The following NNT variants were observed in gnomAD, a reference collection of about 807,000 sequenced individuals.
NNT encodes the protein NAD(P) transhydrogenase, mitochondrial.
In NNT, 50 loss-of-function variants were observed where a neutral mutation model predicts 104.8. The ratio of observed to expected loss-of-function variants is 0.48; its 90% CI spans 0.38 to 0.60. The LOEUF is 0.60. NNT is among the 20% of genes least tolerant of loss of function. NNT has a pLI of 0.00. For missense variants in NNT, 1,131 were observed against 1,330.7 expected, an observed-to-expected ratio of 0.85 and a Z score of 2.33; for synonymous variants, 461 against 490.4, an observed-to-expected ratio of 0.94 and a Z score of 0.79.
rs373124357 is a variant in NNT, at chr5:43,628,211, T to C, written c.788T>C (p.Leu263Ser). ...VRGFDTRAAA[L>S]EQFKSLGAEP... ...AACAATCACCCTAGAGCTGCAGCTT[T>C]GGAACAGTTCAAGTCTCTTGGTGCT... is the stretch of plus-strand genomic sequence containing the variant. The change falls in exon 7 of 22, where the codon TTG becomes TCG. Residue 263 changes from leucine (L) to serine (S), a missense_variant. Coordinates refer to ENST00000344920, the MANE Select transcript of NNT (RefSeq NM_182977.3). The C allele has an allele frequency of 6.2e-7, 1 of 1,610,418 alleles. No individual in the cohort carries two copies. Among genetic ancestry groups the C allele is most frequent in the Admixed American group, 1.7e-5 (1 of 59,294 alleles).
intron 19 of NNT, among the ~76,000 whole-genome samples, chr5:43,688,432 A>G (rs532416921): frequency 3.8e-4 from 58 of 152,262 alleles, no homozygotes; most frequent in Admixed American, 1.1e-3. Flanking sequence ...TTCAATTTCA[A>G]TAGGTTTTTG....
intron 10 of NNT, among the ~76,000 whole-genome samples, chr5:43,646,867 T>C (rs1739474923): frequency 6.6e-6 from 1 of 152,202 alleles, no homozygotes; most frequent in Non-Finnish European, 1.5e-5. Context: ...TAACATAAAT[T>C]CTTTTTTTAA....
chr5:43,694,028 C>A (rs1742427575), intron 19 of NNT, among the ~76,000 whole-genome samples: 1 of 152,088 alleles, frequency 6.6e-6, no homozygotes, highest in East Asian at 1.9e-4. Context: ...CTTATAAAAC[C>A]CATGGAATTT....
At chr5:43,678,293 G>A (rs867917081) in intron 19 of NNT, among the ~76,000 whole-genome samples, 27 of 152,276 alleles carry the variant, frequency 1.8e-4, no homozygotes, top group Middle Eastern at 3.4e-3. Flanking sequence ...AGGGTCAGCT[G>A]TATATGGCTT....
chr5:43,704,441 T>C lies in NNT; in HGVS notation c.*37T>C. Reference sequence around the variant, plus strand: ...CAAGCTGTTAGCTAATAATGCCACCTCTGCAGTTTTGGGAACAGGCAAATA... The same window carrying C: ...CAAGCTGTTAGCTAATAATGCCACCCCTGCAGTTTTGGGAACAGGCAAATA... On this transcript the variant is annotated 3_prime_UTR_variant, in exon 22 of 22. Transcript: ENST00000344920. The C allele has an allele frequency of 6.2e-7, 1 of 1,608,728 alleles. No homozygotes were observed. Among genetic ancestry groups the C allele is most frequent in the Non-Finnish European group, 8.5e-7 (1 of 1,176,784 alleles).
At chr5:43,622,385 C>T (rs748821447) in intron 5 of NNT, among the ~76,000 whole-genome samples, 53 of 152,252 alleles carry the variant, frequency 3.5e-4, no homozygotes, top group African/African-American at 6.3e-4. Context: ...AAAGTTATTT[C>T]CTTTCTCCTG....
chr5:43,634,212 C>T (rs780138003), intron 7 of NNT, among the ~76,000 whole-genome samples: 2 of 152,120 alleles, frequency 1.3e-5, no homozygotes, highest in Admixed American at 1.3e-4. Context: ...CTCCAATATG[C>T]AAGTTCCTTA....
chr5:43,610,711 A>C (rs1229154908), intron 2 of NNT, among the ~76,000 whole-genome samples: 1 of 152,194 alleles, frequency 6.6e-6, no homozygotes. Flanking sequence ...CTGTCCCTAC[A>C]AGCCTCCAAC....
intron 13 of NNT, 130 bp downstream of exon 13, chr5:43,652,014 C>A: frequency 1.0e-6 from 1 of 962,660 alleles, no homozygotes; most frequent in Non-Finnish European, 1.5e-6. Flanking sequence ...AACAATAACC[C>A]TAGAAACATC....
rs141100202 is a variant in NNT at position 43,644,216 on chromosome 5, A to G, written c.989A>G (p.Asn330Ser). 1.4e-4 allele frequency: 221 copies of G among 1,607,078 alleles called. 1 individual carries two copies. In the African/African-American group the frequency reaches 2.6e-3, roughly 19 times the overall value. Residue 330 changes from asparagine to serine, a missense_variant, in exon 8 of 22, where the codon AAT becomes AGT. Coordinates refer to ENST00000344920, the MANE Select transcript of NNT (RefSeq NM_182977.3). Reference protein sequence around the residue: ...IPGKKAPVLFNKEMIESMKEG... With the variant: ...IPGKKAPVLFSKEMIESMKEG... ...GGTAAAAAAGCTCCAGTTTTATTTA[A>G]TAAAGAAATGATTGAGTCAATGAAG... is the stretch of plus-strand genomic sequence containing the variant.
rs925578528 is a variant in NNT at position 43,704,446 on chromosome 5, A to G, written c.*42A>G. ...TGTTAGCTAATAATGCCACCTCTGCAGTTTTGGGAACAGGCAAATAAAGTA... is the reference window on the plus strand; with the variant it reads ...TGTTAGCTAATAATGCCACCTCTGCGGTTTTGGGAACAGGCAAATAAAGTA... On this transcript the variant is annotated 3_prime_UTR_variant, in exon 22 of 22. Coordinates refer to ENST00000344920, the MANE Select transcript of NNT (RefSeq NM_182977.3). The G allele has an allele frequency of 6.2e-7, 1 of 1,604,380 alleles. No homozygotes were observed. The highest frequency in any genetic ancestry group is 1.3e-5 in the African/African-American group (1 of 74,730).
chr5:43,604,976 CTAT>C (rs1312469457), intron 1 of NNT, among the ~76,000 whole-genome samples: 2 of 152,080 alleles, frequency 1.3e-5, no homozygotes, highest in African/African-American at 4.8e-5. Flanking sequence ...TGGGTGGGTG[CTAT>C]TATTCCCCAT....
chr5:43,659,994 T>C (rs952803311), intron 17 of NNT, among the ~76,000 whole-genome samples: 1 of 152,222 alleles, frequency 6.6e-6, no homozygotes, highest in Non-Finnish European at 1.5e-5. Flanking sequence ...AAAAAACTTA[T>C]ATACTATATT....
intron 19 of NNT, among the ~76,000 whole-genome samples, chr5:43,679,942 A>G (rs1741613458): frequency 6.6e-6 from 1 of 151,736 alleles, no homozygotes; most frequent in Admixed American, 6.6e-5. Context: ...TAGTTTCTCT[A>G]TTTGTAAGTT....
rs985118071 is a variant in NNT, at chr5:43,705,668, T to C, written c.*1264T>C. 3 of 152,118 alleles carry C rather than the reference T, an allele frequency of 2.0e-5. No homozygotes were observed. Among genetic ancestry groups the C allele is most frequent in the Non-Finnish European group, 4.4e-5 (3 of 67,972 alleles). 9.4% of individuals were successfully genotyped at this position (152,118 alleles called of 1,614,324 possible). A position where few individuals can be genotyped will look rare whatever the true frequency, so the allele number is the denominator to read the frequency against. On this transcript the variant is annotated 3_prime_UTR_variant, in exon 22 of 22. Transcript: ENST00000344920. ...AAACCAGAAAAAGAAGTAGTACAAA[T>C]TTTGTTACTGTAATGCTCGCGTTTA...
rs1458152625 is a variant in NNT at position 43,706,742 on chromosome 5, CTTGA to C, written c.*2341_*2344del. The C allele has an allele frequency of 2.6e-5, 4 of 152,248 alleles. No individual in the cohort carries two copies. In the South Asian group the frequency reaches 8.3e-4, roughly 32 times the overall value. 9.4% of individuals were successfully genotyped at this position (152,248 alleles called of 1,614,324 possible). ...AACCCAAATGTCCATCAATGATAGA[CTTGA>C]TTAAGAAAATGTGCACATATACACC... On this transcript the variant is annotated 3_prime_UTR_variant, in exon 22 of 22. Transcript: ENST00000344920.
In NNT at chr5:43,656,675, C is replaced by T; in HGVS notation, c.2316C>T (p.Leu772=). ...TAGGTCTCCTGAAATCTGCCCCTCT[C>T]CTACTGCCTGGAAGGCACTTACTCA... ...KLQGLLKSAP[L]LLPGRHLLNA... Residue 772 remains leucine, a synonymous_variant, in exon 16 of 22, where the codon CTC becomes CTT. Transcript: ENST00000344920. 1.2e-6 allele frequency: 2 copies of T among 1,613,452 alleles called. No homozygotes were observed. The highest frequency in any genetic ancestry group is 8.5e-7 in the Non-Finnish European group (1 of 1,179,818).
In NNT at chr5:43,613,026, C is replaced by T. The variant is rs556298601; in HGVS notation, c.270C>T (p.Val90=). The T allele has an allele frequency of 8.6e-5, 139 of 1,613,952 alleles. No homozygotes were observed. The highest frequency in any genetic ancestry group is 1.1e-4 in the Non-Finnish European group (134 of 1,180,036). The part of the protein sequence containing the change: ...QNLVKQGFNV[V]VESGAGEASK... The stretch of plus-strand genomic sequence containing the variant: ...TGGTCAAGCAGGGTTTTAATGTTGT[C>T]GTGGAATCGGGTGCGGGCGAAGCTT... Residue 90 remains valine, a synonymous_variant, in exon 3 of 22, where the codon GTC becomes GTT. Transcript: ENST00000344920.
At chr5:43,659,731 GA>G (rs935786060) in intron 17 of NNT, among the ~76,000 whole-genome samples, 22 of 144,924 alleles carry the variant, frequency 1.5e-4, no homozygotes, top group Non-Finnish European at 2.7e-4. Context: ...CATCTCAAAA[GA>G]AAAAAAAAAG....
Sources: allele counts gnomAD v4.1 joint callset (sites outside exome capture counted in the v4.1 genomes callset), GRCh38; gene constraint gnomAD v4.1.1; transcripts MANE v1.5; gene names NCBI Gene and HGNC (gene_info 2026-07-23, HGNC 2026-07-21).